Variants in ZBTB20 observed in about 807,000 individuals in gnomAD.
ZBTB20 encodes the protein zinc finger and BTB domain containing 20, also known as zinc finger and BTB domain-containing protein 20.
ZBTB20 carries 9 observed loss-of-function variants against 56.9 expected under a neutral mutation model. The ratio of observed to expected loss-of-function variants is 0.16; its 90% confidence interval spans 0.10 to 0.28. The LOEUF is 0.28. Among genes scored for constraint, ZBTB20 ranks in the 10% least tolerant of loss-of-function variants. ZBTB20 has a pLI of 1.00. For synonymous variants in ZBTB20, 417 were observed against 420.7 expected (o/e 0.99, Z 0.11); for missense variants, 655 against 1,003.0 (o/e 0.65, Z 4.69).
At position 114,333,572 on chromosome 3, in the gene ZBTB20, T is replaced by C. The variant is rs2079343119; in HGVS notation, c.*5433A>G. 1 of 152,258 alleles carries C rather than the reference T, an allele frequency of 6.6e-6. No homozygotes were observed. The highest frequency in any genetic ancestry group is 2.4e-5 in the African/African-American group (1 of 41,460). The allele number at this position is 152,258 out of a possible 1,614,324, so 9.4% of individuals were successfully genotyped here. On this transcript the variant is annotated 3_prime_UTR_variant, in exon 12 of 12. Transcript: ENST00000675478. The stretch of plus-strand genomic sequence containing the variant: ...CAGGAGGCATTGGGTTGCTTTGCTT[T>C]TTCTATGGAATTAGGGAGCCTATTG...
intron 7 of ZBTB20, among the ~76,000 whole-genome samples, chr3:114,461,082 G>A (rs1036389472): frequency 3.3e-5 from 5 of 152,100 alleles, no homozygotes; most frequent in African/African-American, 1.2e-4. Flanking sequence ...TTTGGCAATT[G>A]TATCTCCAAG....
chr3:114,716,285 T>C (rs2064476056), intron 5 of ZBTB20, among the ~76,000 whole-genome samples: 1 of 152,156 alleles, frequency 6.6e-6, no homozygotes, highest in Admixed American at 6.6e-5. Flanking sequence ...GATTGCCATT[T>C]GCTATTCAAA....
At chr3:114,873,266 C>T (rs1159649102) in intron 4 of ZBTB20, 1 of 151,930 alleles carries the variant, frequency 6.6e-6, no homozygotes, top group Non-Finnish European at 1.5e-5. Flanking sequence ...ATAACTAGCA[C>T]ATAGTGAGCA....
At chr3:114,830,091 A>G (rs779137986) in intron 4 of ZBTB20, among the ~76,000 whole-genome samples, 1 of 151,862 alleles carries the variant, frequency 6.6e-6, no homozygotes, top group Non-Finnish European at 1.5e-5. Flanking sequence ...GGGACCTTGC[A>G]TGTTTCATCC....
intron 7 of ZBTB20, among the ~76,000 whole-genome samples, chr3:114,450,599 T>C (rs2091546109): frequency 6.6e-6 from 1 of 152,262 alleles, no homozygotes; most frequent in East Asian, 1.9e-4. Context: ...GTTTAAAGAA[T>C]GTAATGGTCA....
rs540508286 is a variant in ZBTB20, at chr3:114,897,610, G to T, written c.-417+2694C>A. On this transcript the variant is annotated intron_variant, in intron 4 of 11. Coordinates refer to ENST00000675478, the MANE Select transcript of ZBTB20 (RefSeq NM_001348800.3). The stretch of plus-strand genomic sequence containing the variant: ...GTCTAGTTTAATGATTAATATTCTA[G>T]CAAATATATATTCTTGGCTCATCTC... 2.0e-5 allele frequency among the ~76,000 whole-genome samples: 3 copies of T among 151,980 alleles called. No homozygotes were observed. The East Asian group carries it at 5.8e-4, about 29-fold the overall frequency.
At chr3:114,709,282 G>T (rs1000069563) in intron 5 of ZBTB20, among the ~76,000 whole-genome samples, 7 of 152,202 alleles carry the variant, frequency 4.6e-5, no homozygotes, top group Non-Finnish European at 8.8e-5. Context: ...CTTTGTAAGA[G>T]ACACCACCCC....
intron 7 of ZBTB20, among the ~76,000 whole-genome samples, chr3:114,454,175 GGAGAGAGAGA>G (rs71146322): frequency 0.011 from 1,341 of 116,676 alleles, 18 homozygotes; most frequent in African/African-American, 0.01. Flanking sequence ...AAAAGAGAAG[GGAGAGAGAGA>G]GAGAGAGAGA....
Position 114,499,774 on chromosome 3 carries a change from G to A in ZBTB20, c.-255+578C>T, listed in dbSNP as rs2043733661. 2.0e-5 allele frequency among the ~76,000 whole-genome samples: 3 copies of A among 151,298 alleles called. No homozygotes were observed. The South Asian group carries it at 6.3e-4, about 32-fold the overall frequency. ...ATACCTTTCCATCTTTTCTAAAAAAGAGTGGTACCTTTATAAACCTTCTGG... is the reference window on the plus strand; with the variant it reads ...ATACCTTTCCATCTTTTCTAAAAAAAAGTGGTACCTTTATAAACCTTCTGG... On this transcript the variant is annotated intron_variant, in intron 7 of 11. Transcript: ENST00000675478.
chr3:114,790,370 T>C lies in ZBTB20; in HGVS notation c.-343+10731A>G, dbSNP rs528341191. Reference sequence around the variant, plus strand: ...AATAACCAATGTGAAGAATATGGTATGAATTATTTTCTATAGCTTTCTTCA... The same window carrying C: ...AATAACCAATGTGAAGAATATGGTACGAATTATTTTCTATAGCTTTCTTCA... On this transcript the variant is annotated intron_variant, in intron 5 of 11. Coordinates refer to ENST00000675478, the MANE Select transcript of ZBTB20 (RefSeq NM_001348800.3). Among the ~76,000 whole-genome samples, 6 of 152,320 alleles carry C rather than the reference T, an allele frequency of 3.9e-5. 1 individual carries two copies. The South Asian group carries it at 6.2e-4, about 16-fold the overall frequency.
At chr3:114,813,750 CAAAT>C (rs2072726488) in intron 4 of ZBTB20, among the ~76,000 whole-genome samples, 1 of 152,048 alleles carries the variant, frequency 6.6e-6, no homozygotes, top group African/African-American at 2.4e-5. Flanking sequence ...AACCCCATCT[CAAAT>C]AATAACAATA....
At chr3:114,680,972 T>C (rs972990898) in intron 6 of ZBTB20, among the ~76,000 whole-genome samples, 1 of 152,126 alleles carries the variant, frequency 6.6e-6, no homozygotes, top group Admixed American at 6.6e-5. Context: ...GAGATACTAA[T>C]TGTTAAAACA....
intron 7 of ZBTB20, among the ~76,000 whole-genome samples, chr3:114,448,315 G>A (rs2091396956): frequency 6.6e-6 from 1 of 151,982 alleles, no homozygotes; most frequent in African/African-American, 2.4e-5. Flanking sequence ...TGATCTTACT[G>A]GAGAAGCTCT....
chr3:114,902,117 G>A (rs529102185), intron 3 of ZBTB20, among the ~76,000 whole-genome samples: 1 of 152,204 alleles, frequency 6.6e-6, no homozygotes, highest in East Asian at 1.9e-4. Flanking sequence ...CTTCCTCAAA[G>A]GGGCATAGCC....
At chr3:115,127,129 C>T (rs1024270537) in intron 1 of ZBTB20, among the ~76,000 whole-genome samples, 2 of 151,930 alleles carry the variant, frequency 1.3e-5, no homozygotes, top group Non-Finnish European at 2.9e-5. Context: ...GCTGCCAGTC[C>T]AAAAAAATCT....
intron 5 of ZBTB20, among the ~76,000 whole-genome samples, chr3:114,760,359 T>C (rs2068346850): frequency 6.6e-6 from 1 of 152,144 alleles, no homozygotes; most frequent in Admixed American, 6.6e-5. Flanking sequence ...AAAACTGTAA[T>C]ACAATATAGC....
intron 2 of ZBTB20, among the ~76,000 whole-genome samples, chr3:115,028,012 A>G (rs916576132): frequency 2.0e-5 from 3 of 150,788 alleles, no homozygotes; most frequent in Non-Finnish European, 4.5e-5. Flanking sequence ...GCTAATTAAC[A>G]CATGTATTAC....
At chr3:114,897,353 A>T (rs777191996) in intron 4 of ZBTB20, among the ~76,000 whole-genome samples, 7 of 152,122 alleles carry the variant, frequency 4.6e-5, no homozygotes, top group Non-Finnish European at 8.8e-5. Context: ...TTCACCATGC[A>T]GAATAAAAGG....
chr3:115,025,605 T>C (rs2080392019), intron 2 of ZBTB20, among the ~76,000 whole-genome samples: 1 of 150,798 alleles, frequency 6.6e-6, no homozygotes, highest in African/African-American at 2.4e-5. Context: ...GATCACAAAA[T>C]AAAAATTATA....
Sources: gnomAD v4.1 joint callset for allele counts (sites outside exome capture counted in the v4.1 genomes callset) on GRCh38, gnomAD v4.1.1 for gene constraint, MANE v1.5 for transcripts, NCBI Gene and HGNC (gene_info 2026-07-23, HGNC 2026-07-21) for gene names.